The following ZNF841 variants were observed in gnomAD, a reference collection of about 807,000 sequenced individuals.
ZNF841 encodes zinc finger protein 841.
A neutral mutation model predicts 13.0 loss-of-function variants in ZNF841; 11 were observed. That is an observed-to-expected ratio of 0.85 (90% CI 0.53 to 1.40). ZNF841 has a LOEUF of 1.40. ZNF841 is among the 40% of genes most tolerant of loss of function. The pLI, the probability that ZNF841 is intolerant of heterozygous loss-of-function variation, is 0.00. For synonymous variants in ZNF841, 369 were observed against 381.6 expected (o/e 0.97, Z 0.38); for missense variants, 1,068 against 1,139.5 (o/e 0.94, Z 0.90).
Position 52,065,792 on chromosome 19 carries a change from G to C in ZNF841, c.2090C>G (p.Ala697Gly). Residue 697 changes from alanine to glycine, a missense_variant, in exon 7 of 7, where the codon GCA becomes GGA. Physicochemically the swap from Ala to Gly is moderately conservative, Grantham distance 60 (BLOSUM62 0). Transcript: ENST00000594440. ...CCCAGTAGGATTTCTGTGATATCTT[G>C]CAAGTTTTGAACTTTGGATAAAAGC... Reference protein sequence around the residue: ...GEAFIQSSKLARYHRNPTGEK... With the variant: ...GEAFIQSSKLGRYHRNPTGEK... The C allele has an allele frequency of 6.2e-7, 1 of 1,611,364 alleles. No homozygotes were observed. Among genetic ancestry groups the C allele is most frequent in the Non-Finnish European group, 8.5e-7 (1 of 1,178,476 alleles).
the ZNF841 span, among the ~76,000 whole-genome samples, chr19:52,059,348 T>TAAAAAAAA: frequency 1.2e-3 from 55 of 45,968 alleles, no homozygotes; most frequent in Non-Finnish European, 1.4e-3. Flanking sequence ...AGACTCTGTC[T>TAAAAAAAA]AAAAAAAAAA....
At chr19:52,063,813 G>C (rs1413903110), downstream of ZNF841, 1 of 152,144 alleles carries the variant, frequency 6.6e-6, no homozygotes, top group African/African-American at 2.4e-5. Flanking sequence ...CAGACACCTC[G>C]GGGAAGCCTC....
At position 52,065,440 on chromosome 19, in the gene ZNF841, C is replaced by T. The variant is rs1359814418; in HGVS notation, c.2442G>A (p.Met814Ile). Reference sequence around the variant, plus strand: ...ATTTATAAGGTTTCTCTCCAGTATGCATCATCTGATGATTAAGCAGAATTG... The same window carrying T: ...ATTTATAAGGTTTCTCTCCAGTATGTATCATCTGATGATTAAGCAGAATTG... Reference protein sequence around the residue: ...VRSILLNHQMMHTGEKPYKCN... With the variant: ...VRSILLNHQMIHTGEKPYKCN... Residue 814 changes from methionine to isoleucine, a missense_variant, in exon 7 of 7, where the codon ATG becomes ATA. Coordinates refer to ENST00000594440, the MANE Select transcript of ZNF841 (RefSeq NM_001136499.2). 4 of 1,613,414 alleles carry T rather than the reference C, an allele frequency of 2.5e-6. No individual in the cohort carries two copies. Among genetic ancestry groups the T allele is most frequent in the Admixed American group, 3.3e-5 (2 of 59,968 alleles).
chr19:52,065,054 A>G lies in ZNF841; in HGVS notation c.*53T>C, dbSNP rs745896154. 1.3e-5 allele frequency: 18 copies of G among 1,397,562 alleles called. No homozygotes were observed. In the South Asian group the frequency reaches 1.4e-4, roughly 11 times the overall value. 86.6% of individuals were successfully genotyped at this position (1,397,562 alleles called of 1,614,324 possible). ...ATACTGGAGATTACTACAATTCCAC[A>G]TGAGACTTCAAAGGGAAAGGACAAA... On this transcript the variant is annotated 3_prime_UTR_variant, in exon 7 of 7. Coordinates refer to ENST00000594440, the MANE Select transcript of ZNF841 (RefSeq NM_001136499.2).
intron 2 of ZNF841, among the ~76,000 whole-genome samples, chr19:52,090,683 G>GAAAT (rs368626224): frequency 6.8e-6 from 1 of 147,056 alleles, no homozygotes; most frequent in Non-Finnish European, 1.5e-5. Flanking sequence ...AAGAAAGAAA[G>GAAAT]AAAGAAAGAA....
rs1386776161 is a variant in ZNF841, at chr19:52,065,391, T to A, written c.2491A>T (p.Ile831Phe). ...TGGTAAACCAAGTTTGACCTTTCGATAAAAGCTTTACCACATTCATTACAT... is the reference window on the plus strand; with the variant it reads ...TGGTAAACCAAGTTTGACCTTTCGAAAAAAGCTTTACCACATTCATTACAT... ...YKCNECGKAF[I>F]ERSNLVYHQR... Residue 831 changes from isoleucine to phenylalanine, a missense_variant, in exon 7 of 7, where the codon ATC becomes TTC. Transcript: ENST00000594440. 1 of 1,609,746 alleles carries A rather than the reference T, an allele frequency of 6.2e-7. No homozygotes were observed. The highest frequency in any genetic ancestry group is 2.2e-5 in the East Asian group (1 of 44,816).
rs1384090478 is a variant in ZNF841, at chr19:52,088,952, G to A, written c.-93C>T. On this transcript the variant is annotated 5_prime_UTR_variant, in exon 3 of 7. Coordinates refer to ENST00000594440, the MANE Select transcript of ZNF841 (RefSeq NM_001136499.2). ...TAATACGTACCATAGATTGAGGTGT[G>A]CGATTCAGTTGCCCGCCATTTCAAG... 6.6e-6 allele frequency: 1 copy of A among 152,158 alleles called. No homozygotes were observed. Among genetic ancestry groups the A allele is most frequent in the African/African-American group, 2.4e-5 (1 of 41,424 alleles). 9.4% of individuals were successfully genotyped at this position (152,158 alleles called of 1,614,324 possible). A position where few individuals can be genotyped will look rare whatever the true frequency, so the allele number is the denominator to read the frequency against.
intron 2 of ZNF841, among the ~76,000 whole-genome samples, chr19:52,089,725 C>T (rs529820320): frequency 6.6e-6 from 1 of 152,318 alleles, no homozygotes; most frequent in East Asian, 1.9e-4. Flanking sequence ...CTAAGAAATT[C>T]CTTTCCAAGA....
At chr19:52,094,406 T>A (rs2080557900) in intron 1 of ZNF841, among the ~76,000 whole-genome samples, 1 of 152,142 alleles carries the variant, frequency 6.6e-6, no homozygotes, top group Admixed American at 6.5e-5. Context: ...CTGAGCGTCT[T>A]TTTTTTCTCC....
intron 4 of ZNF841, among the ~76,000 whole-genome samples, chr19:52,084,066 A>T (rs2088192374): frequency 6.6e-6 from 1 of 152,092 alleles, no homozygotes; most frequent in Non-Finnish European, 1.5e-5. Context: ...GACATCAAAA[A>T]AGTTTGGCTC....
chr19:52,077,225 C>T lies in ZNF841; in HGVS notation c.16-141G>A, dbSNP rs186722481. The T allele has an allele frequency of 1.2e-4, 110 of 950,736 alleles. 1 individual carries two copies. The highest frequency in any genetic ancestry group is 6.5e-4 in the Admixed American group (19 of 29,132). The allele number at this position is 950,736 out of a possible 1,614,324, so 58.9% of individuals were successfully genotyped here. On this transcript the variant is annotated intron_variant, in intron 4 of 6. Coordinates refer to ENST00000594440, the MANE Select transcript of ZNF841 (RefSeq NM_001136499.2). Reference sequence around the variant, plus strand: ...ATTAAAAGTATCTGTGAGATAATTACGTCTCCCTGATTTTGGGTTTTATAA... The same window carrying T: ...ATTAAAAGTATCTGTGAGATAATTATGTCTCCCTGATTTTGGGTTTTATAA...
chr19:52,076,015 G>A (rs370201812), intron 6 of ZNF841, 29 bp downstream of exon 6: 37 of 1,550,428 alleles, frequency 2.4e-5, no homozygotes, highest in Non-Finnish European at 2.9e-5. Flanking sequence ...TCATGGTACC[G>A]CTTCCATTGT....
Position 52,066,640 on chromosome 19 carries a change from T to G in ZNF841, c.1242A>C (p.Ser414=). The G allele has an allele frequency of 6.2e-7, 1 of 1,613,404 alleles. No homozygotes were observed. Among genetic ancestry groups the G allele is most frequent in the Non-Finnish European group, 8.5e-7 (1 of 1,179,632 alleles). The change falls in exon 7 of 7, where the codon TCA becomes TCC. Residue 414 remains serine, a synonymous_variant. Coordinates refer to ENST00000594440, the MANE Select transcript of ZNF841 (RefSeq NM_001136499.2). ...GGATTATATGATGTGCAGTGAGGCT[T>G]GAGTTCCGTTTAAAGGTTTTGCCAC... ...NECGKTFKRN[S]SLTAHHIIHA... is the part of the protein sequence containing the mutation.
intron 6 of ZNF841, among the ~76,000 whole-genome samples, chr19:52,068,087 T>A (rs565611945): frequency 7.7e-4 from 117 of 152,204 alleles, no homozygotes; most frequent in African/African-American, 2.7e-3. Flanking sequence ...TCTAATAGCC[T>A]GTGATAAAAC....
chr19:52,076,301 T>G, intron 5 of ZNF841, 129 bp from the exon 6 acceptor site: 1 of 1,134,054 alleles, frequency 8.8e-7, no homozygotes, highest in Non-Finnish European at 1.2e-6. Context: ...GATTGCCTCC[T>G]TCTGAATGCT....
intron 4 of ZNF841, among the ~76,000 whole-genome samples, chr19:52,081,567 C>T (rs2088099185): frequency 6.6e-6 from 1 of 152,192 alleles, no homozygotes; most frequent in Non-Finnish European, 1.5e-5. Context: ...AAAAGAAATT[C>T]TAAGGCTGGG....
chr19:52,084,702 C>A, intron 4 of ZNF841, 85 bp downstream of exon 4: 1 of 1,490,140 alleles, frequency 6.7e-7, no homozygotes, highest in Non-Finnish European at 9.3e-7. Flanking sequence ...CAGGATACTT[C>A]AGACTCAGAG....
Position 52,066,928 on chromosome 19 carries a change from T to C in ZNF841, c.954A>G (p.Gln318=), listed in dbSNP as rs780225277. ...QIVHTRGKPY[Q]CDVCGRIFRQ... ...TGAAGATCCTGCCACATACATCACA[T>C]TGGTATGGTTTCCCTCTTGTATGGA... Residue 318 remains glutamine (Q), a synonymous_variant, in exon 7 of 7, where the codon CAA becomes CAG. Transcript: ENST00000594440. 3 of 1,614,194 alleles carry C rather than the reference T, an allele frequency of 1.9e-6. No individual in the cohort carries two copies. The highest frequency in any genetic ancestry group is 2.5e-6 in the Non-Finnish European group (3 of 1,180,034).
chr19:52,082,459 T>G (rs2088131988), intron 4 of ZNF841, among the ~76,000 whole-genome samples: 1 of 152,326 alleles, frequency 6.6e-6, no homozygotes, highest in South Asian at 2.1e-4. Flanking sequence ...TCAAAAAAAT[T>G]CATGCAAAGA....
Sources: allele counts gnomAD v4.1 joint callset (sites outside exome capture counted in the v4.1 genomes callset), GRCh38; gene constraint gnomAD v4.1.1; transcripts MANE v1.5; gene names NCBI Gene and HGNC (gene_info 2026-07-23, HGNC 2026-07-21).